PLPP4: variants seen among roughly 807,000 people sequenced by gnomAD.
PLPP4 encodes the protein diacylglycerol pyrophosphate like 2.
A neutral mutation model predicts 32.2 loss-of-function variants in PLPP4; 20 were observed. The ratio of observed to expected loss-of-function variants is 0.62; its 90% CI spans 0.44 to 0.90. The LOEUF (loss-of-function observed/expected upper bound fraction) is 0.90, where lower values mean the gene tolerates loss of function less well. PLPP4 is among the 40% of genes least tolerant of loss of function. The pLI is 0.00. For missense variants in PLPP4, 257 were observed against 353.1 expected (o/e 0.73, Z 2.18); for synonymous variants, 127 against 133.0 (o/e 0.95, Z 0.31).
intron 1 of PLPP4, among the ~76,000 whole-genome samples, chr10:120,483,374 C>CT (rs1844301194): frequency 6.6e-6 from 1 of 152,186 alleles, no homozygotes; most frequent in South Asian, 2.1e-4. Context: ...ATATATACGT[C>CT]TATCCTATTA....
chr10:120,570,149 C>G (rs1167610790), intron 5 of PLPP4, among the ~76,000 whole-genome samples: 1 of 152,120 alleles, frequency 6.6e-6, no homozygotes, highest in East Asian at 1.9e-4. Flanking sequence ...TACTCAACCT[C>G]TGATCACCTG....
At chr10:120,538,453 T>C (rs1015048680) in intron 5 of PLPP4, among the ~76,000 whole-genome samples, 1 of 152,094 alleles carries the variant, frequency 6.6e-6, no homozygotes, top group Non-Finnish European at 1.5e-5. Flanking sequence ...GCACCTTCCC[T>C]CTATGCCAGC....
At chr10:120,519,402 A>C (rs184992601) in intron 4 of PLPP4, among the ~76,000 whole-genome samples, 3 of 151,870 alleles carry the variant, frequency 2.0e-5, no homozygotes, top group African/African-American at 7.3e-5. Context: ...GAGCAGTCAA[A>C]ACATCTGAAT....
rs189352879 is a variant in PLPP4 at position 120,585,126 on chromosome 10, A to G, written c.617-4177A>G. ...TTTTAGATGCTAATAGAAATACCTC[A>G]TGGGACTGTTTCCTGGGGTTAGAGG... On this transcript the variant is annotated intron_variant, in intron 6 of 6. Transcript: ENST00000398250. 9.8e-5 allele frequency among the ~76,000 whole-genome samples: 15 copies of G among 152,334 alleles called. No individual in the cohort carries two copies. In the East Asian group the frequency reaches 2.9e-3, roughly 29 times the overall value.
At position 120,571,520 on chromosome 10, in the gene PLPP4, C is replaced by T. The variant is rs532584149; in HGVS notation, c.446-3611C>T. Among the ~76,000 whole-genome samples, 3 of 152,212 alleles carry T rather than the reference C, an allele frequency of 2.0e-5. No homozygotes were observed. In the South Asian group the frequency reaches 6.2e-4, roughly 32 times the overall value. ...TTCTTTGAGAAGAGAGTAGCAAGTC[C>T]TATGGCTAGAGTCAGAAAACATGTC... On this transcript the variant is annotated intron_variant, in intron 5 of 6. Transcript: ENST00000398250.
Position 120,590,118 on chromosome 10 carries a change from A to G in PLPP4, c.*616A>G, listed in dbSNP as rs927754460. Among the ~76,000 whole-genome samples the G allele has an allele frequency of 4.6e-5, 7 of 152,206 alleles. No homozygotes were observed. Among genetic ancestry groups the G allele is most frequent in the Non-Finnish European group, 8.8e-5 (6 of 68,048 alleles). Reference sequence around the variant, plus strand: ...AACTTCATGCACAGACTTCCACCAAACACAATGAGCATGAAGATGCATGAG... The same window carrying G: ...AACTTCATGCACAGACTTCCACCAAGCACAATGAGCATGAAGATGCATGAG... On this transcript the variant is annotated 3_prime_UTR_variant, in exon 7 of 7. Transcript: ENST00000398250.
chr10:120,550,324 C>T (rs755563933), intron 5 of PLPP4, among the ~76,000 whole-genome samples: 8 of 151,910 alleles, frequency 5.3e-5, no homozygotes, highest in Non-Finnish European at 1.0e-4. Context: ...ATACCATATT[C>T]ATGAGTTGAA....
chr10:120,561,954 A>G lies in PLPP4; in HGVS notation c.446-13177A>G, dbSNP rs114701082. On this transcript the variant is annotated intron_variant, in intron 5 of 6. Coordinates refer to ENST00000398250, the MANE Select transcript of PLPP4 (RefSeq NM_001030059.3). ...GCTTTTCTTCGGAAGTGTCTTAGCT[A>G]TTCTCAGCCTTGAGACCCATTTTGT... 3.5e-3 allele frequency among the ~76,000 whole-genome samples: 526 copies of G among 152,296 alleles called. 3 individuals carry two copies. Among genetic ancestry groups the G allele is most frequent in the African/African-American group, 0.012 (481 of 41,574 alleles).
At chr10:120,484,988 A>T (rs1046015660) in intron 1 of PLPP4, among the ~76,000 whole-genome samples, 2 of 152,214 alleles carry the variant, frequency 1.3e-5, no homozygotes, top group Non-Finnish European at 2.9e-5. Context: ...GCTAGCTTTG[A>T]AGATGAAGGG....
chr10:120,501,544 A>G (rs1018479188), intron 1 of PLPP4, among the ~76,000 whole-genome samples: 1 of 152,236 alleles, frequency 6.6e-6, no homozygotes, highest in Non-Finnish European at 1.5e-5. Flanking sequence ...AGGCTCAGAA[A>G]ATGTTAAATG....
At chr10:120,476,407 G>A (rs1254662331) in intron 1 of PLPP4, among the ~76,000 whole-genome samples, 1 of 152,186 alleles carries the variant, frequency 6.6e-6, no homozygotes, top group African/African-American at 2.4e-5. Flanking sequence ...TGATGTAGAT[G>A]CTGTCATTTT....
chr10:120,469,822 A>C (rs184641636), intron 1 of PLPP4, among the ~76,000 whole-genome samples: 1 of 152,342 alleles, frequency 6.6e-6, no homozygotes, highest in Admixed American at 6.5e-5. Flanking sequence ...GATATTATAT[A>C]TATAAACACA....
At chr10:120,546,675 G>T (rs1319489591) in intron 5 of PLPP4, among the ~76,000 whole-genome samples, 2 of 152,192 alleles carry the variant, frequency 1.3e-5, no homozygotes, top group African/African-American at 4.8e-5. Flanking sequence ...CTTCCCTATA[G>T]CCTACCCTGC....
chr10:120,575,454 A>G (rs188700974), intron 6 of PLPP4, among the ~76,000 whole-genome samples, 153 bp downstream of exon 6: 163 of 152,328 alleles, frequency 1.1e-3, no homozygotes, highest in African/African-American at 3.7e-3. Flanking sequence ...ATTTTGAAGC[A>G]AATATGCTGG....
intron 5 of PLPP4, among the ~76,000 whole-genome samples, chr10:120,549,278 T>C (rs1847776384): frequency 6.6e-6 from 1 of 150,970 alleles, no homozygotes; most frequent in Non-Finnish European, 1.5e-5. Context: ...CCAACAAATT[T>C]AAAAACTAAG....
intron 1 of PLPP4, among the ~76,000 whole-genome samples, chr10:120,501,671 T>C (rs1254010061): frequency 6.6e-6 from 1 of 152,196 alleles, no homozygotes; most frequent in African/African-American, 2.4e-5. Flanking sequence ...TTACAGGATG[T>C]CCTGTCCTTG....
rs1456031704 is a variant in PLPP4, at chr10:120,528,359, C to A, written c.445+7264C>A. 5.9e-5 allele frequency among the ~76,000 whole-genome samples: 9 copies of A among 152,264 alleles called. No homozygotes were observed. The South Asian group carries it at 1.7e-3, about 28-fold the overall frequency. ...AAAGTGCTGGGATTACAGACGTGAG[C>A]CACCACGCCCGGCCGCCACTCTCCT... On this transcript the variant is annotated intron_variant, in intron 5 of 6. Coordinates refer to ENST00000398250, the MANE Select transcript of PLPP4 (RefSeq NM_001030059.3).
chr10:120,569,452 G>C (rs1848833635), intron 5 of PLPP4, among the ~76,000 whole-genome samples: 1 of 152,166 alleles, frequency 6.6e-6, no homozygotes, highest in Admixed American at 6.5e-5. Flanking sequence ...CTTTGAAAAT[G>C]CAACATGAGG....
At chr10:120,541,671 C>A (rs1847345997) in intron 5 of PLPP4, among the ~76,000 whole-genome samples, 1 of 152,172 alleles carries the variant, frequency 6.6e-6, no homozygotes, top group Non-Finnish European at 1.5e-5. Context: ...CCACCTGCTT[C>A]AGAAACTCCA....
Sources: gnomAD v4.1 joint callset for allele counts (sites outside exome capture counted in the v4.1 genomes callset) on GRCh38, gnomAD v4.1.1 for gene constraint, MANE v1.5 for transcripts, NCBI Gene and HGNC (gene_info 2026-07-23, HGNC 2026-07-21) for gene names.